The following NRCAM variants were observed in gnomAD, a reference collection of about 807,000 sequenced individuals.
NRCAM encodes the protein neuronal cell adhesion molecule.
In NRCAM, 83 loss-of-function variants were observed where a neutral mutation model predicts 156.5. That is an observed-to-expected ratio of 0.53 (90% CI 0.44 to 0.64). NRCAM has a LOEUF of 0.64. NRCAM is among the 30% of genes least tolerant of loss of function. The pLI is 0.00. For missense variants in NRCAM, 1,417 were observed against 1,597.3 expected, an observed-to-expected ratio of 0.89 and a Z score of 1.92; for synonymous variants, 538 against 563.9, an observed-to-expected ratio of 0.95 and a Z score of 0.65.
intron 2 of NRCAM, among the ~76,000 whole-genome samples, chr7:108,360,189 G>A (rs1006566827): frequency 6.6e-6 from 1 of 152,164 alleles, no homozygotes; most frequent in South Asian, 2.1e-4. Flanking sequence ...AGACAATAGT[G>A]GAGTAGGTAG....
At chr7:108,366,136 C>G (rs2099590386) in intron 2 of NRCAM, among the ~76,000 whole-genome samples, 1 of 152,172 alleles carries the variant, frequency 6.6e-6, no homozygotes, top group Non-Finnish European at 1.5e-5. Context: ...TCACCAGTCA[C>G]TGACTCTGTC....
chr7:108,415,972 C>G (rs1801077336), intron 1 of NRCAM, among the ~76,000 whole-genome samples: 1 of 152,370 alleles, frequency 6.6e-6, no homozygotes, highest in Admixed American at 6.5e-5. Context: ...TTTTTACCCT[C>G]CAGTGTTTTT....
At chr7:108,277,823 G>A (rs2154076840) in intron 3 of NRCAM, among the ~76,000 whole-genome samples, 1 of 152,238 alleles carries the variant, frequency 6.6e-6, no homozygotes, top group East Asian at 1.9e-4. Context: ...AGGCCTTCTG[G>A]TTTTTGGAAT....
chr7:108,195,548 A>C (rs2074523344), intron 15 of NRCAM, among the ~76,000 whole-genome samples: 2 of 152,048 alleles, frequency 1.3e-5, no homozygotes, highest in Non-Finnish European at 2.9e-5. Flanking sequence ...CCCAGGAGGC[A>C]GAGGCTGCAG....
intron 2 of NRCAM, among the ~76,000 whole-genome samples, chr7:108,353,075 C>T (rs550472478): frequency 6.7e-6 from 1 of 149,520 alleles, no homozygotes; most frequent in African/African-American, 2.5e-5. Context: ...AAAATCCAAA[C>T]ATTACAGAAA....
intron 2 of NRCAM, among the ~76,000 whole-genome samples, chr7:108,368,205 C>T (rs1345429126): frequency 1.4e-5 from 2 of 146,232 alleles, no homozygotes; most frequent in African/African-American, 2.5e-5. Context: ...GCCTCAGCCA[C>T]GTGGAATCAC....
chr7:108,258,758 G>GT (rs1481292498), intron 3 of NRCAM, among the ~76,000 whole-genome samples: 2 of 152,160 alleles, frequency 1.3e-5, no homozygotes, highest in African/African-American at 2.4e-5. Flanking sequence ...TGGACCCTTA[G>GT]TAAATGGTGA....
chr7:108,270,827 TG>T (rs2097315783), intron 3 of NRCAM, among the ~76,000 whole-genome samples: 1 of 152,196 alleles, frequency 6.6e-6, no homozygotes, highest in Non-Finnish European at 1.5e-5. Flanking sequence ...AATAGTCAAA[TG>T]TGAGAGACAG....
chr7:108,167,872 G>A (rs1164175318), intron 29 of NRCAM, among the ~76,000 whole-genome samples: 2 of 152,082 alleles, frequency 1.3e-5, no homozygotes, highest in Non-Finnish European at 2.9e-5. Context: ...GCTAGTCAGG[G>A]CAAAATGAAT....
intron 1 of NRCAM, among the ~76,000 whole-genome samples, chr7:108,406,003 GC>G (rs1273239995): frequency 1.3e-5 from 2 of 150,274 alleles, no homozygotes; most frequent in African/African-American, 4.9e-5. Flanking sequence ...AGTCTAAGAA[GC>G]CAGTCCCCAA....
chr7:108,325,374 C>T (rs1195818388), intron 2 of NRCAM, among the ~76,000 whole-genome samples: 1 of 152,066 alleles, frequency 6.6e-6, no homozygotes, highest in Non-Finnish European at 1.5e-5. Flanking sequence ...AATGAATTAC[C>T]TCTCTTTCCT....
intron 2 of NRCAM, among the ~76,000 whole-genome samples, chr7:108,340,645 T>C (rs752047451): frequency 1.3e-5 from 2 of 152,106 alleles, no homozygotes; most frequent in Non-Finnish European, 2.9e-5. Flanking sequence ...CCGCAGACAT[T>C]TGCTAACTTG....
At chr7:108,300,695 T>C (rs2098590422) in intron 3 of NRCAM, among the ~76,000 whole-genome samples, 1 of 152,146 alleles carries the variant, frequency 6.6e-6, no homozygotes, top group Non-Finnish European at 1.5e-5. Flanking sequence ...CAACCTGGAA[T>C]TTCTCCATTT....
At chr7:108,417,634 C>A (rs1192841053) in intron 1 of NRCAM, among the ~76,000 whole-genome samples, 1 of 152,172 alleles carries the variant, frequency 6.6e-6, no homozygotes, top group African/African-American at 2.4e-5. Context: ...GAGTTCATGT[C>A]ATAATGAGCT....
intron 3 of NRCAM, among the ~76,000 whole-genome samples, chr7:108,298,193 A>G (rs561015516): frequency 3.3e-5 from 5 of 152,374 alleles, no homozygotes; most frequent in African/African-American, 1.2e-4. Context: ...TCATATTAAA[A>G]GAAACAAGTA....
intron 13 of NRCAM, among the ~76,000 whole-genome samples, chr7:108,200,898 C>T (rs1045039213): frequency 6.6e-6 from 1 of 151,898 alleles, no homozygotes; most frequent in Non-Finnish European, 1.5e-5. Flanking sequence ...GAAAACCAAA[C>T]ATTATATGTT....
chr7:108,367,273 T>C (rs1022247778), intron 2 of NRCAM, among the ~76,000 whole-genome samples: 1 of 152,208 alleles, frequency 6.6e-6, no homozygotes, highest in Non-Finnish European at 1.5e-5. Flanking sequence ...TCTAAGTTCA[T>C]ATTTTTAACA....
chr7:108,345,504 C>T (rs945256448), intron 2 of NRCAM, among the ~76,000 whole-genome samples: 2 of 152,142 alleles, frequency 1.3e-5, no homozygotes, highest in Non-Finnish European at 2.9e-5. Flanking sequence ...TTGTGTCCTC[C>T]CCCCACATTC....
intron 1 of NRCAM, among the ~76,000 whole-genome samples, chr7:108,441,466 T>C (rs576249576): frequency 6.6e-6 from 1 of 152,346 alleles, no homozygotes; most frequent in African/African-American, 2.4e-5. Context: ...CTAAATAGCA[T>C]CTTCAGGACT....
Sources: gnomAD v4.1 joint callset for allele counts (sites outside exome capture counted in the v4.1 genomes callset) on GRCh38, gnomAD v4.1.1 for gene constraint, MANE v1.5 for transcripts, NCBI Gene and HGNC (gene_info 2026-07-23, HGNC 2026-07-21) for gene names.